SMO: variants seen among roughly 807,000 people sequenced by gnomAD.
SMO encodes the protein protein smoothened.
Under a neutral mutation model 81.6 loss-of-function variants are expected in SMO, and 40 were observed. The ratio of observed to expected loss-of-function variants is 0.49; its 90% CI spans 0.38 to 0.64. The LOEUF (loss-of-function observed/expected upper bound fraction) is 0.64, where lower values mean the gene tolerates loss of function less well. Ranked by LOEUF, SMO falls within the 30% of genes least tolerant of loss-of-function variation. SMO has a pLI of 0.00. For synonymous variants in SMO, 434 were observed against 432.1 expected (o/e 1.00, Z -0.05); for missense variants, 916 against 1,061.1 (o/e 0.86, Z 1.90).
chr7:129,211,568 T>C lies in SMO; in HGVS notation c.1802-68T>C, dbSNP rs1206422840. Reference sequence around the variant, plus strand: ...CTGTGGGAAGATGAATGGCACTGACTATGGGAGGCACTGCCAGGGACCGGG... The same window carrying C: ...CTGTGGGAAGATGAATGGCACTGACCATGGGAGGCACTGCCAGGGACCGGG... On this transcript the variant is annotated intron_variant, in intron 10 of 11. Coordinates refer to ENST00000249373, the MANE Select transcript of SMO (RefSeq NM_005631.5). The surrounding 1 kb of genome is among the most constrained non-coding windows in gnomAD (Gnocchi z 4.6). 6.4e-7 allele frequency: 1 copy of C among 1,551,564 alleles called. No individual in the cohort carries two copies. Among genetic ancestry groups the C allele is most frequent in the Admixed American group, 1.7e-5 (1 of 59,292 alleles).
At chr7:129,195,868 A>G (rs1166730191) in intron 1 of SMO, among the ~76,000 whole-genome samples, 9 of 152,126 alleles carry the variant, frequency 5.9e-5, no homozygotes, top group South Asian at 4.2e-4. Flanking sequence ...TTGGGAGGTC[A>G]AGGTGGGCAG....
In SMO at chr7:129,189,452, G is replaced by A. The variant is rs2150638476; in HGVS notation, c.301G>A (p.Glu101Lys). ...LLAGDSDSQEEAHGKLVLWSG... is the reference protein window; with the variant it reads ...LLAGDSDSQEKAHGKLVLWSG... ...GGCCGGAGACTCGGACTCCCAGGAG[G>A]AAGCGCACGGCAAGCTCGTGCTCTG... Residue 101 changes from glutamate to lysine, a missense_variant, in exon 1 of 12, where the codon GAA becomes AAA. This residue lies in a region of SMO where 146 missense variants were observed against 149.9 expected (regional missense o/e 0.97). Transcript: ENST00000249373. This position sits in a 1 kb window ranked among gnomAD's most constrained non-coding sequence, Gnocchi z 4.7. 1.3e-6 allele frequency: 2 copies of A among 1,538,468 alleles called. No individual in the cohort carries two copies. Among genetic ancestry groups the A allele is most frequent in the Non-Finnish European group, 1.7e-6 (2 of 1,146,816 alleles).
In SMO at chr7:129,205,252, C is replaced by T. The variant is rs2150648161; in HGVS notation, c.587C>T (p.Pro196Leu). 1.2e-6 allele frequency: 2 copies of T among 1,614,182 alleles called. No individual in the cohort carries two copies. The highest frequency in any genetic ancestry group is 8.5e-7 in the Non-Finnish European group (1 of 1,180,030). ...KFNSSGQCEV[P>L]LVRTDNPKSW... ...AACAGTTCAGGCCAGTGCGAAGTGC[C>T]CTTGGTTCGGACAGACAACCCCAAG... The change falls in exon 3 of 12, where the codon CCC (proline) becomes CTC (leucine). Residue 196 changes from proline (P) to leucine (L), a missense_variant. Pro to Leu is a moderately conservative substitution (Grantham distance 98, BLOSUM62 -3). This residue lies in a region of SMO where 436 missense variants were observed against 570.9 expected (regional missense o/e 0.76). Coordinates refer to ENST00000249373, the MANE Select transcript of SMO (RefSeq NM_005631.5).
chr7:129,212,025 GC>G lies in SMO; in HGVS notation c.1943del (p.Pro648GlnfsTer128). 6.3e-7 allele frequency: 1 copy of G among 1,582,454 alleles called. No individual in the cohort carries two copies. Among genetic ancestry groups the G allele is most frequent in the Non-Finnish European group, 8.5e-7 (1 of 1,170,946 alleles). ...TCGTGTTGTCTCTCCTCCTGTCAGT[GC>G]CCCCAGAGGAACAAGCCAACCTGTG... ...ISVTPVATPV[P>X]PEEQANLWLV... On this transcript the variant is annotated frameshift_variant and splice_region_variant, in exon 12 of 12. Coordinates refer to ENST00000249373, the MANE Select transcript of SMO (RefSeq NM_005631.5). LOFTEE classifies it high-confidence loss of function. The surrounding 1 kb of genome is among the most constrained non-coding windows in gnomAD (Gnocchi z 5.0).
At chr7:129,202,054 C>T (rs1584659099) in intron 1 of SMO, among the ~76,000 whole-genome samples, 1 of 152,146 alleles carries the variant, frequency 6.6e-6, no homozygotes, top group African/African-American at 2.4e-5. Flanking sequence ...GGAACTTGCT[C>T]TGCACCCTGG....
chr7:129,199,864 A>T (rs1399328318), intron 1 of SMO, among the ~76,000 whole-genome samples: 1 of 152,256 alleles, frequency 6.6e-6, no homozygotes, highest in East Asian at 1.9e-4. Flanking sequence ...AGTGATAAAG[A>T]TCAAAACATT....
Position 129,189,624 on chromosome 7 carries a change from TTTGGGGGCAG to T in SMO, c.331+143_331+152del. Reference sequence around the variant, plus strand: ...GAGTTGGAGGGACAGATCCCGAAACTTTGGGGGCAGGTTACGTGCAGGATGGGACCCTCGG... The same window carrying T: ...GAGTTGGAGGGACAGATCCCGAAACTGTTACGTGCAGGATGGGACCCTCGG... On this transcript the variant is annotated intron_variant, in intron 1 of 11. Coordinates refer to ENST00000249373, the MANE Select transcript of SMO (RefSeq NM_005631.5). This position sits in a 1 kb window ranked among gnomAD's most constrained non-coding sequence, Gnocchi z 4.7. 1 of 916,570 alleles carries T rather than the reference TTTGGGGGCAG, an allele frequency of 1.1e-6. No individual in the cohort carries two copies. Among genetic ancestry groups the T allele is most frequent in the Non-Finnish European group, 1.6e-6 (1 of 623,466 alleles). The allele number at this position is 916,570 out of a possible 1,614,324, so 56.8% of individuals were successfully genotyped here.
In SMO at chr7:129,212,082, G is replaced by A. The variant is rs755970474; in HGVS notation, c.1995G>A (p.Leu665=). 4 of 1,586,686 alleles carry A rather than the reference G, an allele frequency of 2.5e-6. No individual in the cohort carries two copies. Among genetic ancestry groups the A allele is most frequent in the South Asian group, 2.3e-5 (2 of 88,462 alleles). The change falls in exon 12 of 12, where the codon CTG becomes CTA. Residue 665 remains leucine (L), a synonymous_variant. Coordinates refer to ENST00000249373, the MANE Select transcript of SMO (RefSeq NM_005631.5). The surrounding 1 kb of genome is among the most constrained non-coding windows in gnomAD (Gnocchi z 5.0). ...TTGAGGCAGAGATCTCCCCAGAGCT[G>A]CAGAAGCGCCTGGGCCGGAAGAAGA... ...WLVEAEISPE[L]QKRLGRKKKR...
At chr7:129,203,884 T>C (rs1405647663) in intron 2 of SMO, among the ~76,000 whole-genome samples, 2 of 152,044 alleles carry the variant, frequency 1.3e-5, no homozygotes, top group African/African-American at 4.8e-5. Context: ...ATCAGGAAGT[T>C]TCTCATGTAT....
At position 129,209,324 on chromosome 7, in the gene SMO, A is replaced by G; in HGVS notation, c.1393A>G (p.Ile465Val). The G allele has an allele frequency of 1.2e-6, 2 of 1,613,968 alleles. No homozygotes were observed. The highest frequency in any genetic ancestry group is 8.5e-7 in the Non-Finnish European group (1 of 1,179,902). ...FGFLAFGFVLITFSCHFYDFF... is the reference protein window; with the variant it reads ...FGFLAFGFVLVTFSCHFYDFF... ...CTTCCTGGCCTTTGGCTTTGTGCTC[A>G]TTACCTTCAGCTGCCACTTCTACGA... Residue 465 changes from isoleucine (I) to valine (V), a missense_variant, in exon 8 of 12, where the codon ATT becomes GTT. This residue lies in a region of SMO where 436 missense variants were observed against 570.9 expected (regional missense o/e 0.76). Coordinates refer to ENST00000249373, the MANE Select transcript of SMO (RefSeq NM_005631.5).
intron 1 of SMO, among the ~76,000 whole-genome samples, chr7:129,192,043 A>T (rs1349120605): frequency 7.1e-6 from 1 of 140,636 alleles, no homozygotes; most frequent in Non-Finnish European, 1.6e-5. Context: ...CCTTGCCTCT[A>T]AAAAAAAAAA....
chr7:129,199,397 G>T (rs1409558016), intron 1 of SMO, among the ~76,000 whole-genome samples: 1 of 152,064 alleles, frequency 6.6e-6, no homozygotes, highest in Non-Finnish European at 1.5e-5. Flanking sequence ...GGCCAGGCTT[G>T]TGTAGAACTC....
rs2150650627 is a variant in SMO at position 129,206,471 on chromosome 7, G to C, written c.1148G>C (p.Gly383Ala). 1.2e-6 allele frequency: 2 copies of C among 1,614,072 alleles called. No individual in the cohort carries two copies. The highest frequency in any genetic ancestry group is 1.7e-6 in the Non-Finnish European group (2 of 1,179,968). ...VAILAVAQVD[G>A]DSVSGICFVG... ...CACCCCTTCCTGCTGCAGGTGGATG[G>C]GGACTCTGTGAGTGGGATTTGTTTT... Residue 383 changes from glycine (G) to alanine (A), a missense_variant, in exon 6 of 12, where the codon GGG becomes GCG. Coordinates refer to ENST00000249373, the MANE Select transcript of SMO (RefSeq NM_005631.5). This position sits in a 1 kb window ranked among gnomAD's most constrained non-coding sequence, Gnocchi z 4.4.
In SMO at chr7:129,204,020, T is replaced by C. The variant is rs543726923; in HGVS notation, c.537+431T>C. ...ATAACAGTAATAATGATGGTAATAA[T>C]ACTAATTAGTCCTGTTTACTATATG... On this transcript the variant is annotated intron_variant, in intron 2 of 11. Transcript: ENST00000249373. Among the ~76,000 whole-genome samples the C allele has an allele frequency of 2.2e-4, 33 of 152,080 alleles. No homozygotes were observed. The South Asian group carries it at 6.3e-3, about 29-fold the overall frequency.
chr7:129,199,235 G>A (rs1793628511), intron 1 of SMO, among the ~76,000 whole-genome samples: 1 of 146,720 alleles, frequency 6.8e-6, no homozygotes, highest in African/African-American at 2.5e-5. Context: ...AGACTGGAGT[G>A]CAATGGCGAT....
chr7:129,206,686 A>G lies in SMO; in HGVS notation c.1264+99A>G, dbSNP rs762114671. On this transcript the variant is annotated intron_variant, in intron 6 of 11. Coordinates refer to ENST00000249373, the MANE Select transcript of SMO (RefSeq NM_005631.5). The surrounding 1 kb of genome is among the most constrained non-coding windows in gnomAD (Gnocchi z 4.4). ...CCAGCACGGCTGCCCCCATGCTGAA[A>G]CCCCAGCTAGCTCCTATAGGGCCTT... 85 of 1,333,658 alleles carry G rather than the reference A, an allele frequency of 6.4e-5. No homozygotes were observed. Among genetic ancestry groups the G allele is most frequent in the Non-Finnish European group, 7.5e-5 (72 of 963,064 alleles). The allele number at this position is 1,333,658 out of a possible 1,614,324, so 82.6% of individuals were successfully genotyped here.
In SMO at chr7:129,189,459, A is replaced by G. The variant is rs1793450296; in HGVS notation, c.308A>G (p.His103Arg). The stretch of plus-strand genomic sequence containing the variant: ...GACTCGGACTCCCAGGAGGAAGCGC[A>G]CGGCAAGCTCGTGCTCTGGTCGGGT... ...AGDSDSQEEA[H>R]GKLVLWSGLR... Residue 103 changes from histidine to arginine, a missense_variant, in exon 1 of 12, where the codon CAC (histidine) becomes CGC (arginine). This residue lies in a region of SMO where 146 missense variants were observed against 149.9 expected (regional missense o/e 0.97). Coordinates refer to ENST00000249373, the MANE Select transcript of SMO (RefSeq NM_005631.5). This position sits in a 1 kb window ranked among gnomAD's most constrained non-coding sequence, Gnocchi z 4.7. The G allele has an allele frequency of 2.1e-5, 33 of 1,537,988 alleles. No homozygotes were observed. Among genetic ancestry groups the G allele is most frequent in the Non-Finnish European group, 2.9e-5 (33 of 1,146,780 alleles).
rs1218625801 is a variant in SMO, at chr7:129,208,374, C to G, written c.1265-385C>G. The stretch of plus-strand genomic sequence containing the variant: ...GCTGAGGCAGGAGAATTGCTTGAAC[C>G]TGGGAGGCGGAGTTTACAATGAGCC... On this transcript the variant is annotated intron_variant, in intron 6 of 11. Coordinates refer to ENST00000249373, the MANE Select transcript of SMO (RefSeq NM_005631.5). The surrounding 1 kb of genome is among the most constrained non-coding windows in gnomAD (Gnocchi z 5.2). Among the ~76,000 whole-genome samples the G allele has an allele frequency of 2.0e-5, 3 of 152,036 alleles. No homozygotes were observed. Among genetic ancestry groups the G allele is most frequent in the Non-Finnish European group, 4.4e-5 (3 of 68,014 alleles).
chr7:129,213,471 A>T lies in SMO; in HGVS notation c.*1020A>T, dbSNP rs1358706251. 2 of 232,710 alleles carry T rather than the reference A, an allele frequency of 8.6e-6. No individual in the cohort carries two copies. The highest frequency in any genetic ancestry group is 1.2e-4 in the East Asian group (2 of 16,450). The allele number at this position is 232,710 out of a possible 1,614,324, so 14.4% of individuals were successfully genotyped here. ...GCCCCACTTTCAAGAATCAGACAGC[A>T]GGAAGCCATAGATGCTGGCTGGGTT... is the stretch of plus-strand genomic sequence containing the variant. On this transcript the variant is annotated 3_prime_UTR_variant, in exon 12 of 12. Coordinates refer to ENST00000249373, the MANE Select transcript of SMO (RefSeq NM_005631.5).
Sources: allele counts gnomAD v4.1 joint callset (sites outside exome capture counted in the v4.1 genomes callset), GRCh38; gene constraint gnomAD v4.1.1; regional missense constraint gnomAD v4.1.1; non-coding constraint Gnocchi (gnomAD v3.1); transcripts MANE v1.5; gene names NCBI Gene and HGNC (gene_info 2026-07-23, HGNC 2026-07-21).